The following GALNT14 variants were observed in gnomAD, a reference collection of about 807,000 sequenced individuals.
The protein encoded by GALNT14 is UDP-GalNAc:polypeptide N-acetylgalactosaminyltransferase 14.
GALNT14 carries 60 observed loss-of-function variants against 77.5 expected under a neutral mutation model. That is an observed-to-expected ratio of 0.77 (90% CI 0.63 to 0.96). GALNT14 has a LOEUF of 0.96. Ranked by LOEUF, GALNT14 falls within the 40% of genes least tolerant of loss-of-function variation. The pLI is 0.00. For synonymous variants in GALNT14, 280 were observed against 281.7 expected, an observed-to-expected ratio of 0.99 and a Z score of 0.06; for missense variants, 710 against 731.0, an observed-to-expected ratio of 0.97 and a Z score of 0.33.
At chr2:31,137,887 A>T in intron 1 of GALNT14, 71 bp downstream of exon 1, 1 of 1,539,926 alleles carries the variant, frequency 6.5e-7, no homozygotes, top group Non-Finnish European at 8.8e-7. Flanking sequence ...GGAGCCCGCA[A>T]ACCCGGCACG....
intron 1 of GALNT14, among the ~76,000 whole-genome samples, chr2:31,112,295 G>A (rs1460131659): frequency 5.3e-5 from 8 of 152,190 alleles, no homozygotes; most frequent in Non-Finnish European, 8.8e-5. Context: ...CAACAACACT[G>A]GTACATCGGA....
At chr2:30,945,923 T>G in intron 6 of GALNT14, 53 bp from the exon 7 acceptor site, 1 of 1,517,320 alleles carries the variant, frequency 6.6e-7, no homozygotes, top group Non-Finnish European at 9.2e-7. Flanking sequence ...CAGCTGGGAG[T>G]CAGGGAGCTT....
chr2:31,127,970 C>A (rs1232575501), intron 1 of GALNT14, among the ~76,000 whole-genome samples: 1 of 151,954 alleles, frequency 6.6e-6, no homozygotes, highest in East Asian at 1.9e-4. Flanking sequence ...GGGAAAAGGA[C>A]AAGAGTAAAA....
At chr2:30,954,455 G>T (rs542641312) in intron 6 of GALNT14, among the ~76,000 whole-genome samples, 1 of 152,236 alleles carries the variant, frequency 6.6e-6, no homozygotes, top group African/African-American at 2.4e-5. Flanking sequence ...CTGCCTCCTG[G>T]GTTCAAGCGA....
chr2:31,078,424 A>T (rs1044469249), intron 1 of GALNT14, among the ~76,000 whole-genome samples: 2 of 152,216 alleles, frequency 1.3e-5, no homozygotes, highest in African/African-American at 4.8e-5. Flanking sequence ...ACAGATTGAT[A>T]AGAAAACCCT....
intron 1 of GALNT14, among the ~76,000 whole-genome samples, chr2:31,005,124 G>GA (rs1282984718): frequency 2.0e-5 from 3 of 152,342 alleles, no homozygotes; most frequent in African/African-American, 7.2e-5. Flanking sequence ...GTAAAGAACG[G>GA]AAAAGAAGGG....
intron 1 of GALNT14, among the ~76,000 whole-genome samples, chr2:31,098,307 G>A (rs577605768): frequency 1.9e-4 from 29 of 152,230 alleles, no homozygotes; most frequent in Admixed American, 3.9e-4. Flanking sequence ...CTTATTAGCG[G>A]GGGAAAGCCT....
chr2:30,970,058 T>C (rs571405645), intron 2 of GALNT14, among the ~76,000 whole-genome samples: 22 of 152,330 alleles, frequency 1.4e-4, no homozygotes, highest in African/African-American at 2.2e-4. Context: ...GGTGATTACA[T>C]AGTGCCACGT....
intron 13 of GALNT14, among the ~76,000 whole-genome samples, chr2:30,922,377 C>A (rs1411504697): frequency 6.6e-6 from 1 of 152,220 alleles, no homozygotes; most frequent in Admixed American, 6.5e-5. Context: ...CTCATAGCAT[C>A]CTGTTTCCCA....
chr2:30,897,430 T>TGG, the GALNT14 span, among the ~76,000 whole-genome samples: 2 of 152,154 alleles, frequency 1.3e-5, no homozygotes, highest in Non-Finnish European at 2.9e-5. Flanking sequence ...CTGAAAATCA[T>TGG]GCAGGTGCCA....
Position 30,917,076 on chromosome 2 carries a change from C to CAAAAAAA in GALNT14, c.1381-4741_1381-4735dup, listed in dbSNP as rs529653696. ...TGGGCAAAAGAGTAAGACTCCGTCT[C>CAAAAAAA]AAAAAAAAAAAAAAAAAAAAAAAAA... is the stretch of plus-strand genomic sequence containing the variant. On this transcript the variant is annotated intron_variant, in intron 13 of 14. Coordinates refer to ENST00000349752, the MANE Select transcript of GALNT14 (RefSeq NM_024572.4). 2.2e-3 allele frequency among the ~76,000 whole-genome samples: 43 copies of CAAAAAAA among 19,902 alleles called. 4 individuals are homozygous for CAAAAAAA. The highest frequency in any genetic ancestry group is 5.8e-3 in the African/African-American group (31 of 5,386). 13.1% of individuals were successfully genotyped at this position (19,902 alleles called of 152,430 possible).
At position 31,138,041 on chromosome 2, in the gene GALNT14, G is replaced by T; in HGVS notation, c.46C>A (p.Leu16Ile). The T allele has an allele frequency of 6.2e-7, 1 of 1,613,846 alleles. No homozygotes were observed. Among genetic ancestry groups the T allele is most frequent in the Non-Finnish European group, 8.5e-7 (1 of 1,179,794 alleles). ...RRLVLPVFGV[L>I]WITVLLFFWV... ...AAGAACAGCAGCACCGTGATCCAGA[G>T]CACCCCGAAGACTGGCAGAACCAGC... The change falls in exon 1 of 15, where the codon CTC becomes ATC. Residue 16 changes from leucine (L) to isoleucine (I), a missense_variant. Physicochemically the swap from Leu to Ile is conservative, Grantham distance 5. Transcript: ENST00000349752.
intron 10 of GALNT14, among the ~76,000 whole-genome samples, chr2:30,931,830 G>A (rs779363397): frequency 1.2e-4 from 18 of 152,072 alleles, no homozygotes; most frequent in Non-Finnish European, 2.4e-4. Flanking sequence ...GAGGCCTCAT[G>A]TGGGGCCTTC....
At chr2:31,114,275 G>GGAAA (rs1677988220) in intron 1 of GALNT14, among the ~76,000 whole-genome samples, 1 of 138,626 alleles carries the variant, frequency 7.2e-6, no homozygotes. Flanking sequence ...CAACAAGTGG[G>GGAAA]AAAAAAAAAA....
intron 14 of GALNT14, 130 bp from the exon 15 acceptor site, chr2:30,911,189 C>T (rs1170000779): frequency 4.0e-6 from 3 of 751,072 alleles, no homozygotes; most frequent in Non-Finnish European, 6.5e-6. Context: ...TTCATAAGCA[C>T]TAAAACTGCA....
In GALNT14 at chr2:31,025,063, TAA is replaced by T. The variant is rs539087749; in HGVS notation, c.130-32058_130-32057del. On this transcript the variant is annotated intron_variant, in intron 1 of 14. Coordinates refer to ENST00000349752, the MANE Select transcript of GALNT14 (RefSeq NM_024572.4). The stretch of plus-strand genomic sequence containing the variant: ...TAAGTTATTAAGACAGTTAAGTTAT[TAA>T]GTTATAATAGTTATTAAGACAATAG... Among the ~76,000 whole-genome samples the T allele has an allele frequency of 3.3e-3, 498 of 152,352 alleles. 3 individuals carry two copies. The highest frequency in any genetic ancestry group is 0.011 in the African/African-American group (470 of 41,588).
chr2:31,102,775 A>G (rs1299602451), intron 1 of GALNT14, among the ~76,000 whole-genome samples: 1 of 151,882 alleles, frequency 6.6e-6, no homozygotes, highest in Non-Finnish European at 1.5e-5. Flanking sequence ...GTTTTCGTCT[A>G]TTTTCTCCTT....
chr2:31,010,632 C>T (rs34960596), intron 1 of GALNT14, among the ~76,000 whole-genome samples: 38,513 of 151,774 alleles, frequency 0.25, 5,076 homozygotes, highest in East Asian at 0.39. Context: ...CATTCGTTCC[C>T]GTCTCTCCCA....
chr2:31,075,000 T>A lies in GALNT14; in HGVS notation c.129+62958A>T, dbSNP rs1375855853. On this transcript the variant is annotated intron_variant, in intron 1 of 14. Coordinates refer to ENST00000349752, the MANE Select transcript of GALNT14 (RefSeq NM_024572.4). ...TCTCATGTTGAAATGTAATCCCCAG[T>A]GTTGGAGGTGGGGCCTGGTGGGAGG... Among the ~76,000 whole-genome samples the A allele has an allele frequency of 2.0e-5, 3 of 152,132 alleles. No homozygotes were observed. The East Asian group carries it at 5.8e-4, about 29-fold the overall frequency.
Sources: allele counts gnomAD v4.1 joint callset (sites outside exome capture counted in the v4.1 genomes callset), GRCh38; gene constraint gnomAD v4.1.1; transcripts MANE v1.5; gene names NCBI Gene and HGNC (gene_info 2026-07-23, HGNC 2026-07-21).